GRIN2B: variants seen among roughly 807,000 people sequenced by gnomAD.
The protein encoded by GRIN2B is glutamate ionotropic receptor NMDA type subunit 2B.
Under a neutral mutation model 114.5 loss-of-function variants are expected in GRIN2B, and 5 were observed. The ratio of observed to expected loss-of-function variants is 0.04; its 90% CI spans 0.02 to 0.09. GRIN2B has a LOEUF of 0.09. Ranked by LOEUF, GRIN2B falls within the 10% of genes least tolerant of loss-of-function variation. The probability of loss-of-function intolerance (pLI) is 1.00; values close to 1 mark genes in which losing one functional copy is unlikely to be tolerated. For missense variants in GRIN2B, 1,108 were observed against 1,943.5 expected (o/e 0.57, Z 8.08); for synonymous variants, 787 against 745.1 (o/e 1.06, Z -0.92).
At chr12:13,890,313 C>T (rs1053758254) in intron 2 of GRIN2B, among the ~76,000 whole-genome samples, 2 of 152,170 alleles carry the variant, frequency 1.3e-5, no homozygotes, top group Admixed American at 6.5e-5. Flanking sequence ...ACCTATCTAC[C>T]GCCTCTAGTA....
chr12:13,605,737 C>G (rs183093675), intron 10 of GRIN2B, among the ~76,000 whole-genome samples: 1 of 152,134 alleles, frequency 6.6e-6, no homozygotes, highest in Admixed American at 6.5e-5. Context: ...CTATCTTCCT[C>G]CATCTCAGTT....
chr12:13,979,176 C>T (rs1254651172), intron 2 of GRIN2B, among the ~76,000 whole-genome samples: 1 of 152,138 alleles, frequency 6.6e-6, no homozygotes, highest in Non-Finnish European at 1.5e-5. Flanking sequence ...GAGAAATTTA[C>T]AGCTCAAAAA....
chr12:13,630,523 C>T (rs958070408), intron 5 of GRIN2B, among the ~76,000 whole-genome samples: 10 of 152,138 alleles, frequency 6.6e-5, no homozygotes, highest in African/African-American at 2.4e-4. Context: ...TGGGTCTTGT[C>T]TTGTCCTCTT....
At chr12:13,742,190 T>A (rs1443875858) in intron 4 of GRIN2B, among the ~76,000 whole-genome samples, 1 of 152,218 alleles carries the variant, frequency 6.6e-6, no homozygotes, top group East Asian at 1.9e-4. Flanking sequence ...GGGGCGTAGA[T>A]GACATTTCTC....
chr12:13,806,494 A>G (rs1864602934), intron 3 of GRIN2B, among the ~76,000 whole-genome samples: 1 of 152,052 alleles, frequency 6.6e-6, no homozygotes, highest in Admixed American at 6.6e-5. Context: ...GCATTTTTCC[A>G]TATACCTGTT....
rs1487406319 is a variant in GRIN2B at position 13,538,633 on chromosome 12, G to C, written c.*24150C>G. Reference sequence around the variant, plus strand: ...AGTTCAGAATCAGCCTGGACAACATGGTGAAACCCCGTCTCTACAAAAAAT... The same window carrying C: ...AGTTCAGAATCAGCCTGGACAACATCGTGAAACCCCGTCTCTACAAAAAAT... On this transcript the variant is annotated 3_prime_UTR_variant, in exon 14 of 14. Coordinates refer to ENST00000609686, the MANE Select transcript of GRIN2B (RefSeq NM_000834.5). 2 of 152,082 alleles carry C rather than the reference G, an allele frequency of 1.3e-5. No homozygotes were observed. Among genetic ancestry groups the C allele is most frequent in the East Asian group, 3.9e-4 (2 of 5,180 alleles). 9.4% of individuals were successfully genotyped at this position (152,082 alleles called of 1,614,324 possible). A position where few individuals can be genotyped will look rare whatever the true frequency, so the allele number is the denominator to read the frequency against.
At chr12:13,874,588 G>A (rs945754798) in intron 2 of GRIN2B, among the ~76,000 whole-genome samples, 1 of 152,202 alleles carries the variant, frequency 6.6e-6, no homozygotes, top group Non-Finnish European at 1.5e-5. Flanking sequence ...TCCAAGGACA[G>A]TGTGGGCACT....
At chr12:13,701,148 C>T (rs748470949) in intron 4 of GRIN2B, among the ~76,000 whole-genome samples, 4 of 152,132 alleles carry the variant, frequency 2.6e-5, no homozygotes, top group Non-Finnish European at 4.4e-5. Context: ...CTCACTATCA[C>T]AAGAACAGCA....
At chr12:13,842,967 G>T (rs1294291790) in intron 3 of GRIN2B, among the ~76,000 whole-genome samples, 4 of 97,852 alleles carry the variant, frequency 4.1e-5, no homozygotes, top group Admixed American at 1.1e-4. Flanking sequence ...TCAAAACACT[G>T]CTTTTTAATT....
intron 3 of GRIN2B, among the ~76,000 whole-genome samples, chr12:13,823,185 A>G (rs1490758760): frequency 6.6e-6 from 1 of 151,974 alleles, no homozygotes; most frequent in Non-Finnish European, 1.5e-5. Flanking sequence ...AATGACATCA[A>G]TTTCTACCCC....
chr12:13,833,981 A>G (rs1380734799), intron 3 of GRIN2B, among the ~76,000 whole-genome samples: 1 of 151,040 alleles, frequency 6.6e-6, no homozygotes, highest in Non-Finnish European at 1.5e-5. Context: ...CCTACAGAAA[A>G]GGTGCAAGGT....
chr12:13,790,266 C>A (rs1864298026), intron 3 of GRIN2B, among the ~76,000 whole-genome samples: 2 of 152,144 alleles, frequency 1.3e-5, no homozygotes, highest in South Asian at 4.2e-4. Context: ...CTTCACAGCA[C>A]CCCATCTTTC....
chr12:13,721,493 T>G (rs910564575), intron 4 of GRIN2B, among the ~76,000 whole-genome samples: 4 of 152,028 alleles, frequency 2.6e-5, no homozygotes, highest in African/African-American at 9.7e-5. Context: ...CATGGACTTA[T>G]GTGTTGGATA....
chr12:13,732,782 G>A (rs1863106869), intron 4 of GRIN2B, among the ~76,000 whole-genome samples: 1 of 152,134 alleles, frequency 6.6e-6, no homozygotes. Context: ...AATAGAATCT[G>A]AAACAAAATC....
chr12:13,808,313 C>T (rs190455321), intron 3 of GRIN2B, among the ~76,000 whole-genome samples: 13 of 152,174 alleles, frequency 8.5e-5, no homozygotes, highest in African/African-American at 3.1e-4. Flanking sequence ...GGACCTGATC[C>T]CAATTCACAC....
intron 4 of GRIN2B, among the ~76,000 whole-genome samples, chr12:13,742,340 A>T (rs1193666261): frequency 6.6e-6 from 1 of 152,226 alleles, no homozygotes; most frequent in Non-Finnish European, 1.5e-5. Context: ...GTTATACCTA[A>T]GCTATTGTTA....
intron 10 of GRIN2B, among the ~76,000 whole-genome samples, chr12:13,586,674 T>C (rs1383199804): frequency 1.3e-5 from 2 of 152,234 alleles, no homozygotes; most frequent in East Asian, 3.8e-4. Context: ...TACTCAGTTC[T>C]CTTCTGAAAT....
intron 3 of GRIN2B, among the ~76,000 whole-genome samples, chr12:13,848,612 A>G (rs1172306690): frequency 6.6e-6 from 1 of 152,208 alleles, no homozygotes; most frequent in Non-Finnish European, 1.5e-5. Context: ...CAAAGTGGCC[A>G]TGATTGCTAC....
At chr12:13,840,085 G>A (rs756324886) in intron 3 of GRIN2B, among the ~76,000 whole-genome samples, 27 of 152,176 alleles carry the variant, frequency 1.8e-4, no homozygotes, top group Non-Finnish European at 3.7e-4. Context: ...CAAAGGGTGA[G>A]GTGTGTTTCA....
Sources: gnomAD v4.1 joint callset for allele counts (sites outside exome capture counted in the v4.1 genomes callset) on GRCh38, gnomAD v4.1.1 for gene constraint, MANE v1.5 for transcripts, NCBI Gene and HGNC (gene_info 2026-07-23, HGNC 2026-07-21) for gene names.